The following CFAP54 variants were observed in gnomAD, a reference collection of about 807,000 sequenced individuals.
CFAP54 encodes cilia- and flagella-associated protein 54.
In CFAP54, 290 loss-of-function variants were observed where a neutral mutation model predicts 370.4. That is an observed-to-expected ratio of 0.78 (90% CI 0.71 to 0.86). The LOEUF (loss-of-function observed/expected upper bound fraction) is 0.86, where lower values mean the gene tolerates loss of function less well. CFAP54 is among the 40% of genes least tolerant of loss of function. The pLI is 0.00. For missense variants in CFAP54, 3,399 were observed against 3,528.7 expected (o/e 0.96, Z 0.93); for synonymous variants, 1,206 against 1,236.5 (o/e 0.98, Z 0.52).
chr12:96,618,534 T>C (rs1468146080), intron 26 of CFAP54, among the ~76,000 whole-genome samples: 1 of 152,168 alleles, frequency 6.6e-6, no homozygotes, highest in African/African-American at 2.4e-5. Flanking sequence ...TAACATTTCC[T>C]CTGTGGACAG....
intron 26 of CFAP54, among the ~76,000 whole-genome samples, chr12:96,617,390 A>G (rs905242408): frequency 6.6e-6 from 1 of 152,196 alleles, no homozygotes; most frequent in East Asian, 1.9e-4. Flanking sequence ...AGGGGAGAGA[A>G]TTATCTAACA....
rs544993449 is a variant in CFAP54 at position 96,616,350 on chromosome 12, C to T, written c.3640-5240C>T. On this transcript the variant is annotated intron_variant, in intron 26 of 67. Coordinates refer to ENST00000524981, the MANE Select transcript of CFAP54 (RefSeq NM_001306084.2). The stretch of plus-strand genomic sequence containing the variant: ...ACACAGGAAAGGGAACATCACACAC[C>T]GGGGCCTGTCGTGGGGTGGTGGGAG... Among the ~76,000 whole-genome samples, 6 of 143,914 alleles carry T rather than the reference C, an allele frequency of 4.2e-5. No individual in the cohort carries two copies. The East Asian group carries it at 7.1e-4, about 17-fold the overall frequency. 94.4% of individuals were successfully genotyped at this position (143,914 alleles called of 152,430 possible).
chr12:96,554,162 T>A lies in CFAP54; in HGVS notation c.2155-20T>A. On this transcript the variant is annotated intron_variant, in intron 15 of 67. Coordinates refer to ENST00000524981, the MANE Select transcript of CFAP54 (RefSeq NM_001306084.2). ...TTTCCCTTGTTTTATTTTTCTTTTT[T>A]GTTTATAAAATTATTTTAGAAAAAT... 1.4e-6 allele frequency: 2 copies of A among 1,445,784 alleles called. No individual in the cohort carries two copies. The highest frequency in any genetic ancestry group is 1.8e-6 in the Non-Finnish European group (2 of 1,093,886). The allele number at this position is 1,445,784 out of a possible 1,614,324, so 89.6% of individuals were successfully genotyped here. A position where few individuals can be genotyped will look rare whatever the true frequency, so the allele number is the denominator to read the frequency against.
At chr12:96,609,725 G>A (rs1592880433) in intron 26 of CFAP54, among the ~76,000 whole-genome samples, 1 of 152,134 alleles carries the variant, frequency 6.6e-6, no homozygotes, top group African/African-American at 2.4e-5. Context: ...GTGATTCTAT[G>A]TAATACACTT....
At chr12:96,842,500 T>C (rs1959229413) in intron 66 of CFAP54, among the ~76,000 whole-genome samples, 1 of 152,214 alleles carries the variant, frequency 6.6e-6, no homozygotes, top group Admixed American at 6.5e-5. Flanking sequence ...TTCAAGAATG[T>C]TGCATAAAAG....
chr12:96,533,677 AATCTTAT>A, intron 9 of CFAP54, 108 bp from the exon 10 acceptor site: 1 of 818,466 alleles, frequency 1.2e-6, no homozygotes, highest in South Asian at 2.5e-5. Flanking sequence ...CTAGAACGTA[AATCTTAT>A]GAAAGCAGGG....
intron 39 of CFAP54, among the ~76,000 whole-genome samples, chr12:96,677,501 G>T (rs1337209629): frequency 1.3e-5 from 2 of 152,156 alleles, no homozygotes; most frequent in Non-Finnish European, 2.9e-5. Flanking sequence ...AATCTTCGGG[G>T]TGTTGTGGAT....
intron 38 of CFAP54, 57 bp from the exon 39 acceptor site, chr12:96,663,773 C>A (rs567678659): frequency 1.9e-5 from 24 of 1,267,012 alleles, no homozygotes; most frequent in Non-Finnish European, 2.5e-5. Flanking sequence ...TTCAAGTAAG[C>A]GAAATTTTTA....
intron 22 of CFAP54, among the ~76,000 whole-genome samples, chr12:96,583,586 G>A (rs1956050344): frequency 6.6e-6 from 1 of 152,176 alleles, no homozygotes; most frequent in African/African-American, 2.4e-5. Context: ...AACTCCATGA[G>A]GTAGTATGAT....
At chr12:96,587,583 C>G (rs1369265596) in intron 22 of CFAP54, among the ~76,000 whole-genome samples, 1 of 152,176 alleles carries the variant, frequency 6.6e-6, no homozygotes, top group African/African-American at 2.4e-5. Flanking sequence ...AGAAACCTCA[C>G]AAAACCTCAT....
At chr12:96,759,624 A>G (rs1958312649) in intron 58 of CFAP54, among the ~76,000 whole-genome samples, 2 of 152,190 alleles carry the variant, frequency 1.3e-5, no homozygotes, top group Non-Finnish European at 2.9e-5. Flanking sequence ...AACACATTAT[A>G]AGCCCTTAAA....
intron 50 of CFAP54, among the ~76,000 whole-genome samples, chr12:96,732,860 GT>G (rs143874439): frequency 1.9e-4 from 29 of 149,178 alleles, no homozygotes; most frequent in African/African-American, 5.4e-4. Flanking sequence ...CTATAGAACT[GT>G]TTTTTTTTTC....
intron 4 of CFAP54, among the ~76,000 whole-genome samples, chr12:96,508,228 G>A (rs367712767): frequency 3.3e-5 from 5 of 149,840 alleles, no homozygotes; most frequent in East Asian, 3.9e-4. Context: ...TGAACTCCTG[G>A]GCTTAAGCCA....
intron 63 of CFAP54, among the ~76,000 whole-genome samples, chr12:96,807,233 A>G (rs142477032): frequency 2.0e-5 from 3 of 152,350 alleles, no homozygotes; most frequent in African/African-American, 7.2e-5. Flanking sequence ...GACTTGACCA[A>G]TGCTGCAACT....
At chr12:96,663,298 A>G (rs1459971973) in intron 38 of CFAP54, among the ~76,000 whole-genome samples, 1 of 152,188 alleles carries the variant, frequency 6.6e-6, no homozygotes, top group East Asian at 1.9e-4. Flanking sequence ...GAGTGAAGAA[A>G]TGAAGAGAAG....
At chr12:96,827,648 C>T (rs1487509732) in intron 65 of CFAP54, among the ~76,000 whole-genome samples, 1 of 124,342 alleles carries the variant, frequency 8.0e-6, no homozygotes, top group African/African-American at 3.1e-5. Context: ...TAATATGATA[C>T]ATAGTAATAT....
intron 42 of CFAP54, among the ~76,000 whole-genome samples, chr12:96,687,116 C>T (rs937453671): frequency 6.6e-6 from 1 of 152,168 alleles, no homozygotes; most frequent in Non-Finnish European, 1.5e-5. Flanking sequence ...ACACCTGCCT[C>T]TCTCTGTCTG....
intron 19 of CFAP54, among the ~76,000 whole-genome samples, chr12:96,570,882 A>G (rs1045210590): frequency 2.6e-5 from 4 of 152,122 alleles, no homozygotes; most frequent in Admixed American, 2.6e-4. Flanking sequence ...ATCAGACTAC[A>G]CATTTCTTTC....
At chr12:96,509,815 CA>C (rs61180247) in intron 4 of CFAP54, among the ~76,000 whole-genome samples, 51 of 144,972 alleles carry the variant, frequency 3.5e-4, no homozygotes, top group South Asian at 6.5e-4. Context: ...GTCTCCATCT[CA>C]AAAAAAAAAA....
Sources: gnomAD v4.1 joint callset for allele counts (sites outside exome capture counted in the v4.1 genomes callset) on GRCh38, gnomAD v4.1.1 for gene constraint, MANE v1.5 for transcripts, NCBI Gene and HGNC (gene_info 2026-07-23, HGNC 2026-07-21) for gene names.